The following DMRT3 variants were observed in gnomAD, a reference collection of about 807,000 sequenced individuals.
DMRT3 encodes doublesex and mab-3 related transcription factor 3.
DMRT3 carries 29 observed loss-of-function variants against 34.9 expected under a neutral mutation model. The observed-to-expected ratio is 0.83, with a 90% confidence interval of 0.62 to 1.13. The LOEUF is 1.13. Among genes scored for constraint, DMRT3 ranks in the 50% most tolerant of loss-of-function variants. DMRT3 has a pLI of 0.00. For synonymous variants in DMRT3, 350 were observed against 286.0 expected, an observed-to-expected ratio of 1.22 and a Z score of -2.26; for missense variants, 772 against 629.1, an observed-to-expected ratio of 1.23 and a Z score of -2.43.
intron 1 of DMRT3, among the ~76,000 whole-genome samples, chr9:981,393 C>T (rs908998336): frequency 6.6e-6 from 1 of 152,126 alleles, no homozygotes; most frequent in Non-Finnish European, 1.5e-5. Context: ...GCGGGAAATA[C>T]TTAAAAACCA....
chr9:986,757 G>A (rs1487053193), intron 1 of DMRT3, among the ~76,000 whole-genome samples: 2 of 151,846 alleles, frequency 1.3e-5, no homozygotes, highest in African/African-American at 4.8e-5. Flanking sequence ...TGGGTGTGGT[G>A]GCACACACCT....
At position 976,756 on chromosome 9, in the gene DMRT3, A is replaced by T. The variant is rs556932887; in HGVS notation, c.-246A>T. On this transcript the variant is annotated 5_prime_UTR_variant, in exon 1 of 2. Transcript: ENST00000190165. This position sits in a 1 kb window ranked among gnomAD's most constrained non-coding sequence, Gnocchi z 4.5. ...GACGTGCCGACCCGGCTGCGCGCCC[A>T]AGGCAGAGGCCCGCGTCGGCGTTGG... Among the ~76,000 whole-genome samples the T allele has an allele frequency of 1.5e-3, 233 of 152,170 alleles. No individual in the cohort carries two copies. Among genetic ancestry groups the T allele is most frequent in the African/African-American group, 5.3e-3 (220 of 41,534 alleles).
chr9:984,251 A>T (rs1281075903), intron 1 of DMRT3, among the ~76,000 whole-genome samples: 1 of 152,222 alleles, frequency 6.6e-6, no homozygotes, highest in African/African-American at 2.4e-5. Flanking sequence ...AAGTGAACAG[A>T]TGAGGATATG....
intron 1 of DMRT3, among the ~76,000 whole-genome samples, chr9:982,057 G>A (rs1820227337): frequency 6.6e-6 from 1 of 152,204 alleles, no homozygotes; most frequent in African/African-American, 2.4e-5. Flanking sequence ...ATATTGCATG[G>A]GACATACTTT....
chr9:990,381 G>T lies in DMRT3; in HGVS notation c.795G>T (p.Thr265=), dbSNP rs373172484. ...LKKIFPNQKP[T]VLELILKGCG... is the part of the protein sequence containing the mutation. Reference sequence around the variant, plus strand: ...AGATATTCCCCAACCAGAAGCCAACGGTGCTTGAGCTCATCCTCAAGGGCT... The same window carrying T: ...AGATATTCCCCAACCAGAAGCCAACTGTGCTTGAGCTCATCCTCAAGGGCT... The change falls in exon 2 of 2, where the codon ACG becomes ACT. Residue 265 remains threonine (T), a synonymous_variant. Coordinates refer to ENST00000190165, the MANE Select transcript of DMRT3 (RefSeq NM_021240.4). 6.2e-7 allele frequency: 1 copy of T among 1,613,886 alleles called. No homozygotes were observed.
At position 991,085 on chromosome 9, in the gene DMRT3, T is replaced by C. The variant is rs1820358706; in HGVS notation, c.*80T>C. ...AGGCATCTGAGGAGAGGCCACATCT[T>C]GTGTATGCCCTTTCCTTCTGTTTGA... On this transcript the variant is annotated 3_prime_UTR_variant, in exon 2 of 2. Coordinates refer to ENST00000190165, the MANE Select transcript of DMRT3 (RefSeq NM_021240.4). 6.7e-6 allele frequency: 10 copies of C among 1,501,760 alleles called. No individual in the cohort carries two copies. The South Asian group carries it at 1.2e-4, about 18-fold the overall frequency. 93.0% of individuals were successfully genotyped at this position (1,501,760 alleles called of 1,614,324 possible).
chr9:978,165 C>T (rs1820176238), intron 1 of DMRT3, among the ~76,000 whole-genome samples: 1 of 152,160 alleles, frequency 6.6e-6, no homozygotes, highest in Non-Finnish European at 1.5e-5. Flanking sequence ...CTTTGCAGAA[C>T]CTCCTAGATC....
intron 1 of DMRT3, among the ~76,000 whole-genome samples, chr9:983,422 C>G (rs894585090): frequency 1.1e-4 from 17 of 152,156 alleles, no homozygotes; most frequent in African/African-American, 3.9e-4. Context: ...TGCCCAGCTG[C>G]TATCCTTGGA....
Position 983,833 on chromosome 9 carries a change from A to C in DMRT3, c.455-6208A>C, listed in dbSNP as rs554813210. Among the ~76,000 whole-genome samples, 9 of 152,300 alleles carry C rather than the reference A, an allele frequency of 5.9e-5. No homozygotes were observed. In the East Asian group the frequency reaches 1.7e-3, roughly 29 times the overall value. On this transcript the variant is annotated intron_variant, in intron 1 of 1. Coordinates refer to ENST00000190165, the MANE Select transcript of DMRT3 (RefSeq NM_021240.4). ...AATATTCCCCCAAAATATAGTGTCA[A>C]GGAACCACTCTGATTCCTTCATACG...
In DMRT3 at chr9:990,476, G is replaced by A. The variant is rs778993459; in HGVS notation, c.890G>A (p.Arg297Gln). 3.1e-5 allele frequency: 50 copies of A among 1,614,064 alleles called. No individual in the cohort carries two copies. In the Admixed American group the frequency reaches 4.3e-4, roughly 14 times the overall value. ...CGATCCTCAGTCACGGGAGCAGAGC[G>A]AACTTCCGCAGAACCTGAGAGTCTA... ...SSRSSVTGAE[R>Q]TSAEPESLAL... Residue 297 changes from arginine (R) to glutamine (Q), a missense_variant, in exon 2 of 2, where the codon CGA (arginine) becomes CAA (glutamine). By Grantham distance (43) the Arg-to-Gln change is conservative. Coordinates refer to ENST00000190165, the MANE Select transcript of DMRT3 (RefSeq NM_021240.4).
At chr9:989,845 A>T in intron 1 of DMRT3, 196 bp from the exon 2 acceptor site, 2 of 630,052 alleles carry the variant, frequency 3.2e-6, no homozygotes, top group Non-Finnish European at 5.2e-6. Context: ...TCTGATTTCT[A>T]GATCTTTATT....
At chr9:981,944 T>G (rs1308871881) in intron 1 of DMRT3, among the ~76,000 whole-genome samples, 1 of 152,174 alleles carries the variant, frequency 6.6e-6, no homozygotes, top group Non-Finnish European at 1.5e-5. Context: ...CCACTCCCTC[T>G]CTGCTCTTCC....
Position 990,054 on chromosome 9 carries a change from A to AC in DMRT3, c.469dup (p.Arg157ProfsTer16). On this transcript the variant is annotated frameshift_variant, in exon 2 of 2. Transcript: ENST00000190165. LOFTEE classifies it high-confidence loss of function. The stretch of plus-strand genomic sequence containing the variant: ...TCTGTTTTCCAGATTTGACTGAAGA[A>AC]CGACTTGGAGACGGCAAGTCGGCAG... 6.2e-7 allele frequency: 1 copy of AC among 1,613,738 alleles called. No homozygotes were observed. The highest frequency in any genetic ancestry group is 8.5e-7 in the Non-Finnish European group (1 of 1,179,980).
chr9:984,990 A>G (rs545964440), intron 1 of DMRT3, among the ~76,000 whole-genome samples: 6 of 152,322 alleles, frequency 3.9e-5, no homozygotes, highest in Admixed American at 3.3e-4. Flanking sequence ...AAAGTATTGT[A>G]GTCATCTTAT....
chr9:987,817 A>G (rs1044851020), intron 1 of DMRT3, among the ~76,000 whole-genome samples: 2 of 152,220 alleles, frequency 1.3e-5, no homozygotes, highest in African/African-American at 4.8e-5. Context: ...CTTTATGTCC[A>G]TATTTACATG....
intron 1 of DMRT3, among the ~76,000 whole-genome samples, chr9:977,680 G>C (rs73382454): frequency 0.015 from 2,221 of 152,348 alleles, 64 homozygotes; most frequent in African/African-American, 0.052. Context: ...GCGCCTCCGG[G>C]CAGCCAAACG....
chr9:990,961 A>C lies in DMRT3; in HGVS notation c.1375A>C (p.Arg459=). Residue 459 remains arginine, a synonymous_variant, in exon 2 of 2, where the codon AGG becomes CGG. Coordinates refer to ENST00000190165, the MANE Select transcript of DMRT3 (RefSeq NM_021240.4). The stretch of plus-strand genomic sequence containing the variant: ...TTACACCGAGGACGACTATGACGAG[A>C]GGTCTGACTCCTCAGACTCTAGAAC... The part of the protein sequence containing the change: ...SIYTEDDYDE[R]SDSSDSRTLN... The C allele has an allele frequency of 6.2e-7, 1 of 1,614,022 alleles. No homozygotes were observed. Among genetic ancestry groups the C allele is most frequent in the Non-Finnish European group, 8.5e-7 (1 of 1,179,994 alleles).
chr9:985,710 G>C (rs1820275068), intron 1 of DMRT3, among the ~76,000 whole-genome samples: 4 of 152,272 alleles, frequency 2.6e-5, no homozygotes, highest in African/African-American at 9.6e-5. Flanking sequence ...ATTATTGTTT[G>C]GTGAGGAGTT....
chr9:985,806 A>T (rs998662731), intron 1 of DMRT3, among the ~76,000 whole-genome samples: 8 of 152,182 alleles, frequency 5.3e-5, no homozygotes, highest in Non-Finnish European at 1.0e-4. Flanking sequence ...GATTTGGCTC[A>T]CCCAGCACTA....
Sources: allele counts gnomAD v4.1 joint callset (sites outside exome capture counted in the v4.1 genomes callset), GRCh38; gene constraint gnomAD v4.1.1; non-coding constraint Gnocchi (gnomAD v3.1); transcripts MANE v1.5; gene names NCBI Gene and HGNC (gene_info 2026-07-23, HGNC 2026-07-21).